RFTN1: variants seen among roughly 807,000 people sequenced by gnomAD.
The protein encoded by RFTN1 is raftlin, lipid raft linker 1.
In RFTN1, 26 loss-of-function variants were observed where a neutral mutation model predicts 46.5. That is an observed-to-expected ratio of 0.56 (90% CI 0.41 to 0.78). The LOEUF (loss-of-function observed/expected upper bound fraction) is 0.78, where lower values mean the gene tolerates loss of function less well. Ranked by LOEUF, RFTN1 falls within the 30% of genes least tolerant of loss-of-function variation. The pLI, the probability that RFTN1 is intolerant of heterozygous loss-of-function variation, is 0.00. For synonymous variants in RFTN1, 261 were observed against 284.2 expected (o/e 0.92, Z 0.82); for missense variants, 693 against 718.7 (o/e 0.96, Z 0.41).
intron 1 of RFTN1, among the ~76,000 whole-genome samples, chr3:16,502,455 A>G (rs4538360): frequency 0.52 from 78,790 of 151,656 alleles, 20,768 homozygotes; most frequent in African/African-American, 0.59. Context: ...CTCCAGGACG[A>G]CCCTCAGTGA....
chr3:16,404,929 G>A (rs941021351), intron 4 of RFTN1, among the ~76,000 whole-genome samples: 7 of 152,108 alleles, frequency 4.6e-5, no homozygotes, highest in Non-Finnish European at 1.5e-5. Flanking sequence ...GTCTAGAAGG[G>A]AGACTCCACT....
In RFTN1 at chr3:16,335,156, C is replaced by T. The variant is rs139844350; in HGVS notation, c.1147-8280G>A. On this transcript the variant is annotated intron_variant, in intron 7 of 9. Coordinates refer to ENST00000334133, the MANE Select transcript of RFTN1 (RefSeq NM_015150.2). This position sits in a 1 kb window ranked among gnomAD's most constrained non-coding sequence, Gnocchi z 4.7. ...AGTCACTAAATCTGTGATTTGTTGC[C>T]GCAGCAACAGGAAATTAATCCACAG... Among the ~76,000 whole-genome samples the T allele has an allele frequency of 1.3e-5, 2 of 152,178 alleles. No homozygotes were observed. The highest frequency in any genetic ancestry group is 2.9e-5 in the Non-Finnish European group (2 of 68,040).
At chr3:16,454,887 T>C (rs1317958677) in intron 2 of RFTN1, 1 of 541,638 alleles carries the variant, frequency 1.8e-6, no homozygotes, top group Non-Finnish European at 2.4e-6. Flanking sequence ...ATTCAATAAA[T>C]CCTTAGCAAA....
intron 1 of RFTN1, among the ~76,000 whole-genome samples, chr3:16,501,987 T>C (rs1193042714): frequency 6.6e-6 from 1 of 152,238 alleles, no homozygotes; most frequent in East Asian, 1.9e-4. Context: ...ATAAAATCCA[T>C]ACTTTTGAAA....
At chr3:16,478,866 T>G (rs566018697) in intron 2 of RFTN1, among the ~76,000 whole-genome samples, 2 of 152,308 alleles carry the variant, frequency 1.3e-5, no homozygotes, top group South Asian at 4.1e-4. Context: ...CGGCAACCAG[T>G]TTCCTTCAGG....
chr3:16,416,455 G>A (rs761645595), intron 3 of RFTN1, among the ~76,000 whole-genome samples: 19 of 152,222 alleles, frequency 1.2e-4, no homozygotes, highest in African/African-American at 4.3e-4. Context: ...TAAAATCTAC[G>A]GTTTAATTAA....
rs2125389590 is a variant in RFTN1 at position 16,384,023 on chromosome 3, C to A, written c.442-5921G>T. ...GTGATTAACATTTACTATCAGTTGA[C>A]TTTCGGTAAAGTGGATTCCTCCATT... On this transcript the variant is annotated intron_variant, in intron 4 of 9. Coordinates refer to ENST00000334133, the MANE Select transcript of RFTN1 (RefSeq NM_015150.2). The surrounding 1 kb of genome is among the most constrained non-coding windows in gnomAD (Gnocchi z 4.7). 6.6e-6 allele frequency among the ~76,000 whole-genome samples: 1 copy of A among 152,350 alleles called. No individual in the cohort carries two copies. The highest frequency in any genetic ancestry group is 2.1e-4 in the South Asian group (1 of 4,826).
At position 16,464,201 on chromosome 3, in the gene RFTN1, C is replaced by T. The variant is rs541211227; in HGVS notation, c.145+29524G>A. 1.3e-3 allele frequency among the ~76,000 whole-genome samples: 199 copies of T among 152,276 alleles called. 1 individual carries two copies. Among genetic ancestry groups the T allele is most frequent in the African/African-American group, 4.5e-3 (186 of 41,544 alleles). On this transcript the variant is annotated intron_variant, in intron 2 of 9. Coordinates refer to ENST00000334133, the MANE Select transcript of RFTN1 (RefSeq NM_015150.2). ...CAATTTTGTCTCTCCACTCCAGTCC[C>T]AAGAGAACACAAACGCTCTGCAGGT...
chr3:16,330,500 G>C (rs1170294753), intron 7 of RFTN1, among the ~76,000 whole-genome samples: 2 of 152,198 alleles, frequency 1.3e-5, no homozygotes, highest in East Asian at 3.8e-4. Flanking sequence ...CCAGTGAGGA[G>C]AGAAGAAAGC....
intron 2 of RFTN1, among the ~76,000 whole-genome samples, chr3:16,439,037 G>C (rs575622365): frequency 6.6e-6 from 1 of 152,180 alleles, no homozygotes; most frequent in South Asian, 2.1e-4. Flanking sequence ...TCCTGTCAAA[G>C]CTGAGCAATT....
chr3:16,409,454 C>G lies in RFTN1; in HGVS notation c.362G>C (p.Gly121Ala), dbSNP rs781235463. 7.4e-6 allele frequency: 12 copies of G among 1,613,110 alleles called. No homozygotes were observed. The highest frequency in any genetic ancestry group is 2.2e-5 in the East Asian group (1 of 44,878). ...RSQKTDLHNE[G>A]YILELDCCSS... ...ACAGCAATCTAATTCCAAGATGTAGCCTTCATTGTGAAGATCAGTTTTCTG... is the reference window on the plus strand; with the variant it reads ...ACAGCAATCTAATTCCAAGATGTAGGCTTCATTGTGAAGATCAGTTTTCTG... The change falls in exon 4 of 10, where the codon GGC (glycine) becomes GCC (alanine). Residue 121 changes from glycine (G) to alanine (A), a missense_variant. Coordinates refer to ENST00000334133, the MANE Select transcript of RFTN1 (RefSeq NM_015150.2).
In RFTN1 at chr3:16,440,465, T is replaced by C. The variant is rs771418570; in HGVS notation, c.146-6428A>G. Among the ~76,000 whole-genome samples the C allele has an allele frequency of 9.2e-5, 14 of 152,210 alleles. No homozygotes were observed. The highest frequency in any genetic ancestry group is 1.9e-4 in the Non-Finnish European group (13 of 68,046). ...TTCATCCCATACCAGGGCTTTGTCCTGCTGCAGTGCAAAGGACAATTCTCT... is the reference window on the plus strand; with the variant it reads ...TTCATCCCATACCAGGGCTTTGTCCCGCTGCAGTGCAAAGGACAATTCTCT... On this transcript the variant is annotated intron_variant, in intron 2 of 9. Coordinates refer to ENST00000334133, the MANE Select transcript of RFTN1 (RefSeq NM_015150.2). The surrounding 1 kb of genome is among the most constrained non-coding windows in gnomAD (Gnocchi z 4.6).
rs2074959971 is a variant in RFTN1 at position 16,410,356 on chromosome 3, G to C, written c.333-873C>G. 6.6e-6 allele frequency among the ~76,000 whole-genome samples: 1 copy of C among 151,868 alleles called. No individual in the cohort carries two copies. The highest frequency in any genetic ancestry group is 2.1e-4 in the South Asian group (1 of 4,798). ...ACATACACCAAACCAATAATAGCAG[G>C]TACCCCTGGGGAATGGGGAAGGCTT... is the stretch of plus-strand genomic sequence containing the variant. On this transcript the variant is annotated intron_variant, in intron 3 of 9. Transcript: ENST00000334133. This position sits in a 1 kb window ranked among gnomAD's most constrained non-coding sequence, Gnocchi z 4.6.
At position 16,433,314 on chromosome 3, in the gene RFTN1, A is replaced by C. The variant is rs913382728; in HGVS notation, c.332+537T>G. Among the ~76,000 whole-genome samples the C allele has an allele frequency of 6.6e-6, 1 of 152,148 alleles. No homozygotes were observed. The highest frequency in any genetic ancestry group is 6.5e-5 in the Admixed American group (1 of 15,276). ...CTGAAAAACATCCCCAAGCCCTGAAAATCTAAATCAAGACCAAACCAATTA... is the reference window on the plus strand; with the variant it reads ...CTGAAAAACATCCCCAAGCCCTGAACATCTAAATCAAGACCAAACCAATTA... On this transcript the variant is annotated intron_variant, in intron 3 of 9. Transcript: ENST00000334133. This position sits in a 1 kb window ranked among gnomAD's most constrained non-coding sequence, Gnocchi z 4.4.
rs1201116359 is a variant in RFTN1, at chr3:16,451,642, T to C, written c.146-17605A>G. Among the ~76,000 whole-genome samples the C allele has an allele frequency of 6.6e-6, 1 of 152,224 alleles. No homozygotes were observed. Among genetic ancestry groups the C allele is most frequent in the Non-Finnish European group, 1.5e-5 (1 of 68,042 alleles). ...TCTTCGTGTCTTCCACCTAAAAATT[T>C]AATGCCTTTTTCATCTTCACTAAGC... On this transcript the variant is annotated intron_variant, in intron 2 of 9. Transcript: ENST00000334133. The surrounding 1 kb of genome is among the most constrained non-coding windows in gnomAD (Gnocchi z 4.2).
rs12488848 is a variant in RFTN1, at chr3:16,416,516, T to G, written c.333-7033A>C. ...TAGTTTGACAAACATAGTATGGTAA[T>G]GTAAGATATTAATGGTGGTGGGAAA... is the stretch of plus-strand genomic sequence containing the variant. On this transcript the variant is annotated intron_variant, in intron 3 of 9. Transcript: ENST00000334133. Among the ~76,000 whole-genome samples, 1,508 of 152,314 alleles carry G rather than the reference T, an allele frequency of 9.9e-3. 15 individuals are homozygous for G. The highest frequency in any genetic ancestry group is 0.037 in the Middle Eastern group (11 of 294).
intron 7 of RFTN1, among the ~76,000 whole-genome samples, chr3:16,330,521 CT>C (rs2070206196): frequency 6.6e-6 from 1 of 152,204 alleles, no homozygotes; most frequent in African/African-American, 2.4e-5. Flanking sequence ...ACCAACAACA[CT>C]CAAAAGCCAG....
In RFTN1 at chr3:16,356,870, T is replaced by C. The variant is rs1411320452; in HGVS notation, c.1146+1062A>G. ...GTGGCTCACGCTGTAATCCCAGCAC[T>C]TCAACAGGCCAAGGCAGGCAGATCA... On this transcript the variant is annotated intron_variant, in intron 7 of 9. Coordinates refer to ENST00000334133, the MANE Select transcript of RFTN1 (RefSeq NM_015150.2). This position sits in a 1 kb window ranked among gnomAD's most constrained non-coding sequence, Gnocchi z 4.9. 3.3e-5 allele frequency among the ~76,000 whole-genome samples: 5 copies of C among 152,182 alleles called. No homozygotes were observed. Among genetic ancestry groups the C allele is most frequent in the Non-Finnish European group, 7.4e-5 (5 of 68,018 alleles).
In RFTN1 at chr3:16,451,654, C is replaced by T. The variant is rs2075825132; in HGVS notation, c.146-17617G>A. Among the ~76,000 whole-genome samples, 1 of 152,118 alleles carries T rather than the reference C, an allele frequency of 6.6e-6. No individual in the cohort carries two copies. Among genetic ancestry groups the T allele is most frequent in the Non-Finnish European group, 1.5e-5 (1 of 68,022 alleles). On this transcript the variant is annotated intron_variant, in intron 2 of 9. Transcript: ENST00000334133. This position sits in a 1 kb window ranked among gnomAD's most constrained non-coding sequence, Gnocchi z 4.2. ...CCACCTAAAAATTTAATGCCTTTTT[C>T]ATCTTCACTAAGCACATGTCATGCA...
Sources: gnomAD v4.1 joint callset for allele counts (sites outside exome capture counted in the v4.1 genomes callset) on GRCh38, gnomAD v4.1.1 for gene constraint, Gnocchi (gnomAD v3.1) non-coding constraint, MANE v1.5 for transcripts, NCBI Gene and HGNC (gene_info 2026-07-23, HGNC 2026-07-21) for gene names.